MSRA: variants seen among roughly 807,000 people sequenced by gnomAD.
The protein encoded by MSRA is methionine sulfoxide reductase A.
MSRA carries 54 observed loss-of-function variants against 31.3 expected under a neutral mutation model. The ratio of observed to expected loss-of-function variants is 1.73; its 90% CI spans 1.39 to 2.17. MSRA has a LOEUF of 2.17. Ranked by LOEUF, MSRA falls within the 30% of genes most tolerant of loss-of-function variation. The pLI, the probability that MSRA is intolerant of heterozygous loss-of-function variation, is 0.00. For synonymous variants in MSRA, 169 were observed against 116.5 expected (o/e 1.45, Z -2.90); for missense variants, 507 against 300.9 (o/e 1.69, Z -5.07).
intron 5 of MSRA, among the ~76,000 whole-genome samples, chr8:10,410,275 C>A (rs1374808444): frequency 2.0e-5 from 3 of 152,106 alleles, no homozygotes; most frequent in African/African-American, 7.2e-5. Context: ...GCTAGGTCTT[C>A]CAAGGACCAA....
intron 1 of MSRA, among the ~76,000 whole-genome samples, chr8:10,076,587 G>A (rs1798005257): frequency 6.6e-6 from 1 of 152,178 alleles, no homozygotes; most frequent in South Asian, 2.1e-4. Flanking sequence ...TGCAGGCAGT[G>A]TTGTTCCTGA....
intron 5 of MSRA, among the ~76,000 whole-genome samples, chr8:10,396,837 G>A (rs117380786): frequency 0.029 from 4,462 of 152,236 alleles, 100 homozygotes; most frequent in Non-Finnish European, 0.051. Flanking sequence ...TGGCCCTTAC[G>A]CGAGATCTGT....
intron 4 of MSRA, among the ~76,000 whole-genome samples, chr8:10,310,802 T>A (rs1221830331): frequency 1.3e-5 from 2 of 152,240 alleles, no homozygotes; most frequent in African/African-American, 2.4e-5. Context: ...CCCACAGTGC[T>A]ACACAATTCT....
At chr8:10,278,443 TC>T (rs1376370194) in intron 3 of MSRA, among the ~76,000 whole-genome samples, 1 of 152,204 alleles carries the variant, frequency 6.6e-6, no homozygotes, top group Non-Finnish European at 1.5e-5. Context: ...TGGGTGGCTT[TC>T]CTCACGTGGC....
intron 1 of MSRA, among the ~76,000 whole-genome samples, chr8:10,125,334 C>T (rs1395970844): frequency 6.6e-6 from 1 of 152,122 alleles, no homozygotes; most frequent in Non-Finnish European, 1.5e-5. Context: ...TGGCACAGAT[C>T]AAAATCTTGG....
intron 5 of MSRA, among the ~76,000 whole-genome samples, chr8:10,380,307 A>G (rs554324239): frequency 6.6e-6 from 1 of 152,300 alleles, no homozygotes; most frequent in African/African-American, 2.4e-5. Flanking sequence ...AGCTTTTTCT[A>G]GGACAAGCTC....
intron 3 of MSRA, among the ~76,000 whole-genome samples, chr8:10,271,335 C>G (rs1419855398): frequency 6.6e-6 from 1 of 152,066 alleles, no homozygotes; most frequent in Non-Finnish European, 1.5e-5. Flanking sequence ...GCTGATGTGG[C>G]TTCTTAAATA....
chr8:10,128,749 T>G (rs1283979721), intron 1 of MSRA, among the ~76,000 whole-genome samples: 1 of 152,200 alleles, frequency 6.6e-6, no homozygotes, highest in Non-Finnish European at 1.5e-5. Flanking sequence ...GCTTAAAACT[T>G]CTTTTCTATT....
intron 5 of MSRA, among the ~76,000 whole-genome samples, chr8:10,401,510 C>T (rs1429247167): frequency 6.6e-6 from 1 of 152,184 alleles, no homozygotes; most frequent in East Asian, 1.9e-4. Context: ...TAGACAGTTC[C>T]TCAAGGAGTT....
At chr8:10,330,555 TACAGTTGCTTTAA>T (rs533416128) in intron 5 of MSRA, among the ~76,000 whole-genome samples, 1 of 152,230 alleles carries the variant, frequency 6.6e-6, no homozygotes, top group Non-Finnish European at 1.5e-5. Context: ...AGACTTGCAT[TACAGTTGCTTTAA>T]ACAAAGCTAT....
chr8:10,230,588 T>A (rs948422035), intron 2 of MSRA, among the ~76,000 whole-genome samples: 1 of 152,248 alleles, frequency 6.6e-6, no homozygotes, highest in African/African-American at 2.4e-5. Context: ...TTATTGTATT[T>A]TCTTCCAGAC....
intron 5 of MSRA, among the ~76,000 whole-genome samples, chr8:10,395,592 G>A (rs1395470044): frequency 6.6e-6 from 1 of 152,194 alleles, no homozygotes; most frequent in Non-Finnish European, 1.5e-5. Context: ...TCTTGCAGAA[G>A]TCCAGGCAGC....
chr8:10,406,596 C>T (rs767725198), intron 5 of MSRA, among the ~76,000 whole-genome samples: 38 of 152,160 alleles, frequency 2.5e-4, no homozygotes, highest in Non-Finnish European at 3.7e-4. Context: ...GTATTGGAGG[C>T]GTCTCCTTGG....
intron 3 of MSRA, among the ~76,000 whole-genome samples, chr8:10,252,533 C>T (rs892145414): frequency 6.6e-6 from 1 of 152,132 alleles, no homozygotes; most frequent in African/African-American, 2.4e-5. Flanking sequence ...CAGTAAAGAG[C>T]GCCTGCAGGA....
intron 2 of MSRA, among the ~76,000 whole-genome samples, chr8:10,213,937 A>G (rs1383340806): frequency 6.6e-6 from 1 of 152,118 alleles, no homozygotes; most frequent in Non-Finnish European, 1.5e-5. Context: ...CTGCAGTGAG[A>G]AACCTTAATG....
chr8:10,069,900 A>G (rs976242469), intron 1 of MSRA, among the ~76,000 whole-genome samples: 1 of 152,260 alleles, frequency 6.6e-6, no homozygotes, highest in Non-Finnish European at 1.5e-5. Context: ...ATATATGCAC[A>G]TAGTTTATTA....
intron 3 of MSRA, among the ~76,000 whole-genome samples, chr8:10,272,099 C>T (rs955652122): frequency 2.0e-5 from 3 of 152,178 alleles, no homozygotes; most frequent in African/African-American, 7.2e-5. Flanking sequence ...CCCTTCATGC[C>T]TCCAAAACTT....
chr8:10,219,730 C>G (rs544628680), intron 2 of MSRA, among the ~76,000 whole-genome samples: 48 of 139,278 alleles, frequency 3.4e-4, no homozygotes, highest in Non-Finnish European at 5.8e-4. Flanking sequence ...GGGGTGAACC[C>G]GGGAGGCACA....
chr8:10,269,609 C>T (rs80011049), intron 3 of MSRA, among the ~76,000 whole-genome samples: 2 of 152,108 alleles, frequency 1.3e-5, no homozygotes, highest in Non-Finnish European at 2.9e-5. Flanking sequence ...TTGCTGCTAC[C>T]GCTTACTCTC....
Sources: gnomAD v4.1 joint callset for allele counts (sites outside exome capture counted in the v4.1 genomes callset) on GRCh38, gnomAD v4.1.1 for gene constraint, MANE v1.5 for transcripts, NCBI Gene and HGNC (gene_info 2026-07-23, HGNC 2026-07-21) for gene names.